The following RANBP17 variants were observed in gnomAD, a reference collection of about 807,000 sequenced individuals.
RANBP17 encodes RAN binding protein 17.
Under a neutral mutation model 141.2 loss-of-function variants are expected in RANBP17, and 158 were observed. The ratio of observed to expected loss-of-function variants is 1.12; its 90% confidence interval spans 0.98 to 1.28. The LOEUF is 1.28. RANBP17 is among the 50% of genes most tolerant of loss of function. The pLI is 0.00. For missense variants in RANBP17, 1,438 were observed against 1,290.7 expected (o/e 1.11, Z -1.75); for synonymous variants, 430 against 450.0 (o/e 0.96, Z 0.56).
chr5:171,076,681 A>G (rs1784945190), intron 14 of RANBP17, among the ~76,000 whole-genome samples: 1 of 152,214 alleles, frequency 6.6e-6, no homozygotes, highest in Non-Finnish European at 1.5e-5. Flanking sequence ...GAGACTTCCA[A>G]AGGCCAAAGA....
At chr5:171,089,566 T>C (rs2608101) in intron 14 of RANBP17, among the ~76,000 whole-genome samples, 99,518 of 148,560 alleles carry the variant, frequency 0.67, 33,722 homozygotes, top group South Asian at 0.89. Context: ...GCCTCGCTGC[T>C]GCCTTGCAGT....
intron 14 of RANBP17, among the ~76,000 whole-genome samples, chr5:171,137,211 A>T (rs376899312): frequency 2.2e-4 from 34 of 152,290 alleles, no homozygotes; most frequent in African/African-American, 7.9e-4. Context: ...TTCATTTCCA[A>T]AATGAGATGA....
At chr5:170,865,805 A>G (rs1273429086) in intron 1 of RANBP17, among the ~76,000 whole-genome samples, 1 of 152,200 alleles carries the variant, frequency 6.6e-6, no homozygotes, top group East Asian at 1.9e-4. Flanking sequence ...GAATTCACCG[A>G]AAGTTGTCAT....
rs1335025901 is a variant in RANBP17, at chr5:170,937,080, C to A, written c.1468+12530C>A. 2.0e-5 allele frequency among the ~76,000 whole-genome samples: 3 copies of A among 152,158 alleles called. No homozygotes were observed. The East Asian group carries it at 5.8e-4, about 29-fold the overall frequency. On this transcript the variant is annotated intron_variant, in intron 12 of 27. Transcript: ENST00000523189. Reference sequence around the variant, plus strand: ...AAATAGTTGTTCCCTTTTAAAAAATCCATTCTGACCATCTCTTTTTACTGG... The same window carrying A: ...AAATAGTTGTTCCCTTTTAAAAAATACATTCTGACCATCTCTTTTTACTGG...
intron 14 of RANBP17, among the ~76,000 whole-genome samples, chr5:170,993,414 T>G (rs1265696656): frequency 6.6e-6 from 1 of 152,036 alleles, no homozygotes; most frequent in African/African-American, 2.4e-5. Context: ...CTAAAATACA[T>G]ATTTTTAAAG....
At chr5:170,934,285 T>C (rs1452391881) in intron 12 of RANBP17, among the ~76,000 whole-genome samples, 1 of 152,236 alleles carries the variant, frequency 6.6e-6, no homozygotes, top group Non-Finnish European at 1.5e-5. Flanking sequence ...CCTCCATCCC[T>C]TTATTTTGAG....
chr5:171,232,238 A>T (rs1764246871), intron 22 of RANBP17, among the ~76,000 whole-genome samples: 1 of 152,230 alleles, frequency 6.6e-6, no homozygotes, highest in Admixed American at 6.5e-5. Flanking sequence ...TTATTCAAAA[A>T]AGGTAGTGAA....
chr5:171,126,410 A>G (rs1018613405), intron 14 of RANBP17, among the ~76,000 whole-genome samples: 18 of 152,222 alleles, frequency 1.2e-4, no homozygotes, highest in Admixed American at 5.2e-4. Flanking sequence ...CACATCAAGG[A>G]ACTAGAAAAA....
chr5:171,202,892 G>A (rs1762374153), intron 19 of RANBP17, among the ~76,000 whole-genome samples: 2 of 152,142 alleles, frequency 1.3e-5, no homozygotes, highest in Admixed American at 1.3e-4. Flanking sequence ...GCCCCCAGTA[G>A]TGCCACTACA....
intron 14 of RANBP17, among the ~76,000 whole-genome samples, chr5:171,081,791 C>A (rs1471288580): frequency 1.3e-5 from 2 of 152,096 alleles, no homozygotes; most frequent in African/African-American, 2.4e-5. Flanking sequence ...AAGATAGCTT[C>A]TTACCAGTTT....
chr5:170,962,827 T>G (rs1776247981), intron 13 of RANBP17, among the ~76,000 whole-genome samples: 1 of 152,190 alleles, frequency 6.6e-6, no homozygotes, highest in Non-Finnish European at 1.5e-5. Context: ...GTAGCTTTAT[T>G]TATAAATATA....
chr5:171,208,990 G>T (rs774722325), intron 20 of RANBP17, among the ~76,000 whole-genome samples: 1 of 152,142 alleles, frequency 6.6e-6, no homozygotes, highest in Non-Finnish European at 1.5e-5. Flanking sequence ...GGTTCATGAG[G>T]AGTATAGATA....
intron 14 of RANBP17, among the ~76,000 whole-genome samples, chr5:170,995,492 C>T (rs148813259): frequency 6.7e-4 from 102 of 152,178 alleles, no homozygotes; most frequent in African/African-American, 2.3e-3. Flanking sequence ...TCTGTTGACA[C>T]AGTGTTTCAT....
chr5:171,224,811 G>A (rs1212202222), intron 22 of RANBP17, among the ~76,000 whole-genome samples: 1 of 152,182 alleles, frequency 6.6e-6, no homozygotes, highest in Non-Finnish European at 1.5e-5. Flanking sequence ...AGTATTGGTA[G>A]CTTTCACTTT....
At chr5:170,935,883 G>T (rs1773828700) in intron 12 of RANBP17, among the ~76,000 whole-genome samples, 2 of 152,226 alleles carry the variant, frequency 1.3e-5, no homozygotes, top group South Asian at 4.1e-4. Flanking sequence ...GCTATGCCCT[G>T]CCCCTAGAGG....
At chr5:171,244,336 C>T (rs1298490495) in intron 24 of RANBP17, among the ~76,000 whole-genome samples, 1 of 151,892 alleles carries the variant, frequency 6.6e-6, no homozygotes, top group Non-Finnish European at 1.5e-5. Flanking sequence ...CAAGATCGCA[C>T]CACTGCACTC....
At chr5:171,233,599 G>A (rs924075246) in intron 22 of RANBP17, among the ~76,000 whole-genome samples, 26 of 152,282 alleles carry the variant, frequency 1.7e-4, no homozygotes, top group African/African-American at 2.6e-4. Flanking sequence ...AAAAAGATAT[G>A]TAGGAACTGC....
At chr5:171,089,663 G>C (rs1786057790) in intron 14 of RANBP17, among the ~76,000 whole-genome samples, 1 of 152,150 alleles carries the variant, frequency 6.6e-6, no homozygotes, top group Non-Finnish European at 1.5e-5. Context: ...ATCTCGTGGT[G>C]CGCCGTTTTT....
intron 1 of RANBP17, among the ~76,000 whole-genome samples, chr5:170,870,156 G>C (rs1767598635): frequency 6.6e-6 from 1 of 151,984 alleles, no homozygotes; most frequent in Non-Finnish European, 1.5e-5. Flanking sequence ...AGACTTCTTA[G>C]GTTGATCATG....
Sources: gnomAD v4.1 joint callset for allele counts (sites outside exome capture counted in the v4.1 genomes callset) on GRCh38, gnomAD v4.1.1 for gene constraint, MANE v1.5 for transcripts, NCBI Gene and HGNC (gene_info 2026-07-23, HGNC 2026-07-21) for gene names.